UNC13C: variants seen among roughly 807,000 people sequenced by gnomAD.
UNC13C encodes protein unc-13 homolog C.
A neutral mutation model predicts 245.4 loss-of-function variants in UNC13C; 174 were observed. The ratio of observed to expected loss-of-function variants is 0.71; its 90% CI spans 0.63 to 0.80. The LOEUF is 0.80. UNC13C is among the 30% of genes least tolerant of loss of function. The probability of loss-of-function intolerance (pLI) is 0.00; values close to 1 mark genes in which losing one functional copy is unlikely to be tolerated. For synonymous variants in UNC13C, 992 were observed against 895.1 expected (o/e 1.11, Z -1.93); for missense variants, 2,829 against 2,602.9 (o/e 1.09, Z -1.89).
chr15:54,108,651 A>C (rs1368278534), intron 2 of UNC13C, among the ~76,000 whole-genome samples: 1 of 152,208 alleles, frequency 6.6e-6, no homozygotes, highest in East Asian at 1.9e-4. Flanking sequence ...ATTTACCTCC[A>C]GTGCTAGATA....
chr15:54,183,637 T>C (rs2033872941), intron 4 of UNC13C, among the ~76,000 whole-genome samples: 1 of 151,800 alleles, frequency 6.6e-6, no homozygotes, highest in Non-Finnish European at 1.5e-5. Flanking sequence ...TGAAGGACCA[T>C]GGATTATCGA....
chr15:53,867,387 T>G, the UNC13C span, among the ~76,000 whole-genome samples: 1 of 152,226 alleles, frequency 6.6e-6, no homozygotes, highest in African/African-American at 2.4e-5. Context: ...TTGATGAAAT[T>G]GCTTCCATTA....
intron 4 of UNC13C, among the ~76,000 whole-genome samples, chr15:54,203,607 T>C (rs2034597917): frequency 6.7e-6 from 1 of 148,462 alleles, no homozygotes; most frequent in African/African-American, 2.5e-5. Context: ...TATGACTGAG[T>C]TGTATTCCAT....
intron 17 of UNC13C, among the ~76,000 whole-genome samples, chr15:54,367,767 A>G (rs2039397408): frequency 6.6e-6 from 1 of 152,110 alleles, no homozygotes; most frequent in Non-Finnish European, 1.5e-5. Flanking sequence ...CTGTCCCACA[A>G]AATTGTCTGT....
At chr15:54,338,571 G>C in intron 17 of UNC13C, 82 bp downstream of exon 17, 1 of 1,450,846 alleles carries the variant, frequency 6.9e-7, no homozygotes, top group Non-Finnish European at 9.4e-7. Flanking sequence ...ATAGTAAATA[G>C]AAAAGTATGT....
chr15:54,609,767 A>T (rs886856475), intron 30 of UNC13C, among the ~76,000 whole-genome samples: 4 of 152,198 alleles, frequency 2.6e-5, no homozygotes, highest in African/African-American at 4.8e-5. Flanking sequence ...GACATATCCA[A>T]GACTGGGTAA....
chr15:54,291,908 T>C (rs1181364892), intron 10 of UNC13C, among the ~76,000 whole-genome samples: 3 of 152,024 alleles, frequency 2.0e-5, no homozygotes, highest in Admixed American at 2.0e-4. Context: ...TATTCTAATA[T>C]GTATTTTAAC....
chr15:54,266,786 C>T (rs2036559252), intron 10 of UNC13C, among the ~76,000 whole-genome samples: 1 of 152,030 alleles, frequency 6.6e-6, no homozygotes, highest in South Asian at 2.1e-4. Context: ...CTTTATGCCT[C>T]ATGGAAAGTC....
At chr15:54,104,869 C>T (rs1428454052) in intron 2 of UNC13C, among the ~76,000 whole-genome samples, 1 of 152,042 alleles carries the variant, frequency 6.6e-6, no homozygotes, top group Non-Finnish European at 1.5e-5. Flanking sequence ...GGCTGGTGCT[C>T]TGTATTCTCT....
chr15:54,547,127 T>C (rs899698458), intron 27 of UNC13C, among the ~76,000 whole-genome samples: 2 of 152,220 alleles, frequency 1.3e-5, no homozygotes, highest in Non-Finnish European at 2.9e-5. Flanking sequence ...CACATACAAT[T>C]TTTATTTAAT....
chr15:54,035,235 G>T (rs1896525207), intron 2 of UNC13C, among the ~76,000 whole-genome samples: 1 of 152,070 alleles, frequency 6.6e-6, no homozygotes, highest in African/African-American at 2.4e-5. Context: ...TATAAAAAAT[G>T]AGGCATACCT....
At chr15:54,423,080 C>A (rs2040685453) in intron 19 of UNC13C, among the ~76,000 whole-genome samples, 1 of 151,370 alleles carries the variant, frequency 6.6e-6, no homozygotes, top group Non-Finnish European at 1.5e-5. Flanking sequence ...TTATATATAT[C>A]TGTATATACA....
chr15:54,068,636 T>C (rs964948327), intron 2 of UNC13C, among the ~76,000 whole-genome samples: 1 of 152,192 alleles, frequency 6.6e-6, no homozygotes, highest in Admixed American at 6.6e-5. Context: ...TGTCTTCACC[T>C]CATGATTATA....
chr15:54,237,789 CCAATGTT>C, intron 7 of UNC13C, 99 bp downstream of exon 7: 1 of 1,031,026 alleles, frequency 9.7e-7, no homozygotes, highest in Non-Finnish European at 1.4e-6. Flanking sequence ...GATGTTTAGT[CCAATGTT>C]CCAGAAATAA....
chr15:53,925,099 A>T, the UNC13C span, among the ~76,000 whole-genome samples: 1 of 152,152 alleles, frequency 6.6e-6, no homozygotes, highest in Non-Finnish European at 1.5e-5. Context: ...TTTCATGGGG[A>T]ATGTCACAGA....
chr15:54,089,331 C>T (rs1899429743), intron 2 of UNC13C, among the ~76,000 whole-genome samples: 1 of 152,168 alleles, frequency 6.6e-6, no homozygotes, highest in Non-Finnish European at 1.5e-5. Context: ...CTACAATTAC[C>T]ATTACTTCTT....
chr15:53,996,570 C>G (rs1005021035), intron 1 of UNC13C, among the ~76,000 whole-genome samples: 2 of 152,170 alleles, frequency 1.3e-5, no homozygotes, highest in African/African-American at 4.8e-5. Context: ...CTTAACCACT[C>G]TAAGATATAG....
chr15:53,975,933 T>C (rs34608053), upstream of UNC13C, among the ~76,000 whole-genome samples: 1 of 152,348 alleles, frequency 6.6e-6, no homozygotes, highest in Admixed American at 6.5e-5. Flanking sequence ...TCCTGTGTTG[T>C]TTAATGTTAT....
intron 17 of UNC13C, among the ~76,000 whole-genome samples, chr15:54,388,107 C>G (rs1468025378): frequency 6.6e-6 from 1 of 152,244 alleles, no homozygotes; most frequent in East Asian, 1.9e-4. Flanking sequence ...AATGACGAAA[C>G]ACAAATATCC....
Sources: gnomAD v4.1 joint callset for allele counts (sites outside exome capture counted in the v4.1 genomes callset) on GRCh38, gnomAD v4.1.1 for gene constraint, MANE v1.5 for transcripts, NCBI Gene and HGNC (gene_info 2026-07-23, HGNC 2026-07-21) for gene names.